CEMIP2: variants seen among roughly 807,000 people sequenced by gnomAD.
The protein encoded by CEMIP2 is cell surface hyaluronidase CEMIP2.
A neutral mutation model predicts 146.9 loss-of-function variants in CEMIP2; 79 were observed. The ratio of observed to expected loss-of-function variants is 0.54; its 90% CI spans 0.45 to 0.65. The LOEUF is 0.65. CEMIP2 is among the 30% of genes least tolerant of loss of function. The pLI is 0.00. For synonymous variants in CEMIP2, 601 were observed against 606.3 expected (o/e 0.99, Z 0.13); for missense variants, 1,596 against 1,696.2 (o/e 0.94, Z 1.04).
At chr9:71,686,867 G>A (rs1312928358) in intron 22 of CEMIP2, 1 of 152,052 alleles carries the variant, frequency 6.6e-6, no homozygotes, top group East Asian at 1.9e-4. Flanking sequence ...TGGGAGAATG[G>A]TTTTGTTTTG....
chr9:71,764,806 T>C (rs377448741), intron 1 of CEMIP2, among the ~76,000 whole-genome samples: 6 of 137,806 alleles, frequency 4.4e-5, no homozygotes, highest in African/African-American at 1.5e-4. Context: ...GCTGCTGCTA[T>C]TGAGAGAATA....
chr9:71,751,091 T>C (rs1445112624), intron 1 of CEMIP2, among the ~76,000 whole-genome samples: 1 of 152,216 alleles, frequency 6.6e-6, no homozygotes, highest in Non-Finnish European at 1.5e-5. Flanking sequence ...ACTTTTTAAA[T>C]TGTGTTAAAT....
At position 71,735,001 on chromosome 9, in the gene CEMIP2, CAAA is replaced by C. The variant is rs71353514; in HGVS notation, c.1205-10_1205-8del. 62,566 of 1,316,232 alleles carry C rather than the reference CAAA, an allele frequency of 0.048. 2 individuals carry two copies. The highest frequency in any genetic ancestry group is 0.051 in the Non-Finnish European group (48,584 of 961,692). 81.5% of individuals were successfully genotyped at this position (1,316,232 alleles called of 1,614,324 possible). On this transcript the variant is annotated splice_region_variant and splice_polypyrimidine_tract_variant and intron_variant, in intron 5 of 23. Coordinates refer to ENST00000377044, the MANE Select transcript of CEMIP2 (RefSeq NM_013390.3). ...AATCCTGAAAGAGAAACGCCTAAAC[CAAA>C]AAAAAAAAAAAGAAAAAGAAAGTGA... is the stretch of plus-strand genomic sequence containing the variant.
chr9:71,716,809 C>T (rs1179492037), intron 13 of CEMIP2, among the ~76,000 whole-genome samples: 1 of 152,152 alleles, frequency 6.6e-6, no homozygotes, highest in Non-Finnish European at 1.5e-5. Context: ...TCACTTTTCC[C>T]ATCTGTAAGT....
rs1427323625 is a variant in CEMIP2 at position 71,700,786 on chromosome 9, T to C, written c.3233A>G (p.Asn1078Ser). Reference protein sequence around the residue: ...WIRVGLCYPSNTSFQVTFGYL... With the variant: ...WIRVGLCYPSSTSFQVTFGYL... ...GCCAAAGGTAACTTGAAAACTTGTG[T>C]TTGATGGATAGCAAAGGCCAACTCG... Residue 1078 changes from asparagine (N) to serine (S), a missense_variant, in exon 19 of 24, where the codon AAC (asparagine) becomes AGC (serine). By Grantham distance (46) the Asn-to-Ser change is conservative (BLOSUM62 1). Coordinates refer to ENST00000377044, the MANE Select transcript of CEMIP2 (RefSeq NM_013390.3). 1.9e-6 allele frequency: 3 copies of C among 1,612,004 alleles called. No individual in the cohort carries two copies. The South Asian group carries it at 3.3e-5, about 18-fold the overall frequency.
chr9:71,713,531 A>C (rs1822968056), intron 15 of CEMIP2, among the ~76,000 whole-genome samples: 1 of 152,250 alleles, frequency 6.6e-6, no homozygotes, highest in Non-Finnish European at 1.5e-5. Context: ...AGCTGTTTCC[A>C]TTAAATAATG....
intron 5 of CEMIP2, 121 bp downstream of exon 5, chr9:71,739,942 C>T: frequency 1.1e-6 from 1 of 931,808 alleles, no homozygotes; most frequent in East Asian, 2.6e-5. Flanking sequence ...GTTTCAACTT[C>T]AACTAGTTGA....
chr9:71,744,944 T>C, intron 4 of CEMIP2, 74 bp downstream of exon 4: 2 of 1,488,718 alleles, frequency 1.3e-6, no homozygotes, highest in South Asian at 1.3e-5. Flanking sequence ...TGGCTGTGGC[T>C]CCTTTCCCCA....
At chr9:71,712,650 T>A (rs1023352095) in intron 15 of CEMIP2, among the ~76,000 whole-genome samples, 1 of 152,030 alleles carries the variant, frequency 6.6e-6, no homozygotes, top group Non-Finnish European at 1.5e-5. Context: ...TCTCCAACCA[T>A]GAGAACAAAA....
At chr9:71,724,413 T>TA (rs1823325101) in intron 11 of CEMIP2, among the ~76,000 whole-genome samples, 1 of 152,242 alleles carries the variant, frequency 6.6e-6, no homozygotes, top group African/African-American at 2.4e-5. Flanking sequence ...CTTAATCAAC[T>TA]ATTCAGCTCA....
chr9:71,685,884 T>C (rs1822046717), intron 22 of CEMIP2, 38 bp from the exon 23 acceptor site: 2 of 1,418,488 alleles, frequency 1.4e-6, no homozygotes, highest in Non-Finnish European at 2.0e-6. Flanking sequence ...CCAATTTCAA[T>C]CCTTCAGCAT....
At chr9:71,718,174 T>G in intron 12 of CEMIP2, 95 bp from the exon 13 acceptor site, 2 of 1,181,826 alleles carry the variant, frequency 1.7e-6, no homozygotes, top group South Asian at 2.4e-5. Flanking sequence ...GAATTTAAAT[T>G]TGACCAAAAC....
rs868681835 is a variant in CEMIP2, at chr9:71,728,277, A to G, written c.2049+1568T>C. Reference sequence around the variant, plus strand: ...TATATACACGTATATATATATATATATATGTATATATATATATATATATAC... The same window carrying G: ...TATATACACGTATATATATATATATGTATGTATATATATATATATATATAC... On this transcript the variant is annotated intron_variant, in intron 10 of 23. Transcript: ENST00000377044. 4.0e-3 allele frequency among the ~76,000 whole-genome samples: 43 copies of G among 10,762 alleles called. 5 individuals are homozygous for G. Among genetic ancestry groups the G allele is most frequent in the African/African-American group, 6.9e-3 (36 of 5,228 alleles). 7.1% of individuals were successfully genotyped at this position (10,762 alleles called of 152,430 possible).
intron 22 of CEMIP2, among the ~76,000 whole-genome samples, chr9:71,688,085 G>T (rs755037134): frequency 6.6e-6 from 1 of 152,068 alleles, no homozygotes; most frequent in Non-Finnish European, 1.5e-5. Flanking sequence ...TTGAACTCCC[G>T]GCCTCAAGCA....
At position 71,697,997 on chromosome 9, in the gene CEMIP2, A is replaced by G. The variant is rs1822448581; in HGVS notation, c.3585T>C (p.Cys1195=). Residue 1195 remains cysteine (C), a synonymous_variant, in exon 20 of 24, where the codon TGT becomes TGC. Coordinates refer to ENST00000377044, the MANE Select transcript of CEMIP2 (RefSeq NM_013390.3). ...PAMLTGLCQG[C]GTRQVVFTSD... ...CATCCTTGTTTACCTGCCGAGTGCC[A>G]CAGCCTTGACAGAGTCCAGTGAGCA... 8 of 1,613,750 alleles carry G rather than the reference A, an allele frequency of 5.0e-6. No homozygotes were observed. In the East Asian group the frequency reaches 1.8e-4, roughly 36 times the overall value.
At chr9:71,702,062 A>G (rs12335416) in intron 18 of CEMIP2, among the ~76,000 whole-genome samples, 1 of 152,074 alleles carries the variant, frequency 6.6e-6, no homozygotes. Context: ...GTTCAAGACC[A>G]GCCCGGGCAA....
At chr9:71,688,229 T>C (rs1822126493) in intron 22 of CEMIP2, among the ~76,000 whole-genome samples, 1 of 152,092 alleles carries the variant, frequency 6.6e-6, no homozygotes, top group Non-Finnish European at 1.5e-5. Flanking sequence ...GTAGCTCTTA[T>C]TAATTAAAAG....
intron 4 of CEMIP2, 53 bp downstream of exon 4, chr9:71,744,965 C>T: frequency 6.4e-7 from 1 of 1,551,578 alleles, no homozygotes; most frequent in Non-Finnish European, 8.7e-7. Context: ...CCCTCACTCT[C>T]CTCTCACACA....
chr9:71,745,055 G>C lies in CEMIP2; in HGVS notation c.997C>G (p.Arg333Gly), dbSNP rs768736110. 1 of 1,614,104 alleles carries C rather than the reference G, an allele frequency of 6.2e-7. No individual in the cohort carries two copies. Among genetic ancestry groups the C allele is most frequent in the South Asian group, 1.1e-5 (1 of 91,088 alleles). Residue 333 changes from arginine to glycine, a missense_variant, in exon 4 of 24, where the codon CGG (arginine) becomes GGG (glycine). Transcript: ENST00000377044. The stretch of plus-strand genomic sequence containing the variant: ...CCTTGGATCAGTTCACTTCCCAACC[G>C]TTCCTGGATCATCTGGATGGTTCCT... The part of the protein sequence containing the change: ...LQGTIQMIQE[R>G]LGSELIQGLG...
Sources: allele counts gnomAD v4.1 joint callset (sites outside exome capture counted in the v4.1 genomes callset), GRCh38; gene constraint gnomAD v4.1.1; transcripts MANE v1.5; gene names NCBI Gene and HGNC (gene_info 2026-07-23, HGNC 2026-07-21).